PARD3B: variants seen among roughly 807,000 people sequenced by gnomAD.
PARD3B encodes partitioning defective 3 homolog B.
A neutral mutation model predicts 130.2 loss-of-function variants in PARD3B; 103 were observed. The observed-to-expected ratio is 0.79, with a 90% CI of 0.67 to 0.93. The LOEUF (loss-of-function observed/expected upper bound fraction) is 0.93. Among genes scored for constraint, PARD3B ranks in the 40% least tolerant of loss-of-function variants. The pLI, the probability that PARD3B is intolerant of heterozygous loss-of-function variation, is 0.00. For missense variants in PARD3B, 1,609 were observed against 1,499.2 expected, an observed-to-expected ratio of 1.07 and a Z score of -1.21; for synonymous variants, 583 against 553.2, an observed-to-expected ratio of 1.05 and a Z score of -0.76.
chr2:205,191,124 T>A (rs55657032), intron 14 of PARD3B, among the ~76,000 whole-genome samples: 28,899 of 149,422 alleles, frequency 0.19, 3,751 homozygotes, highest in African/African-American at 0.37. Context: ...GATTTAAACT[T>A]CTTGAGAAAT....
chr2:204,788,107 C>T (rs2042073302), intron 2 of PARD3B, among the ~76,000 whole-genome samples: 1 of 152,130 alleles, frequency 6.6e-6, no homozygotes. Flanking sequence ...CATGAGAATC[C>T]CATGTGTCTA....
intron 3 of PARD3B, among the ~76,000 whole-genome samples, chr2:204,995,121 T>C (rs1694045482): frequency 6.6e-6 from 1 of 152,110 alleles, no homozygotes; most frequent in Non-Finnish European, 1.5e-5. Flanking sequence ...GATCCTGTCA[T>C]TATGATGTTA....
At position 205,563,463 on chromosome 2, in the gene PARD3B, A is replaced by G. The variant is rs1480728148; in HGVS notation, c.3260+10060A>G. 6.6e-6 allele frequency among the ~76,000 whole-genome samples: 1 copy of G among 152,176 alleles called. No homozygotes were observed. The highest frequency in any genetic ancestry group is 1.5e-5 in the Non-Finnish European group (1 of 68,034). Reference sequence around the variant, plus strand: ...TGGTTTCCAAGGCCTTTTTAATTTCACTTGACCCCACATGACTAACATTGG... The same window carrying G: ...TGGTTTCCAAGGCCTTTTTAATTTCGCTTGACCCCACATGACTAACATTGG... On this transcript the variant is annotated intron_variant, in intron 22 of 22. Transcript: ENST00000406610. This position sits in a 1 kb window ranked among gnomAD's most constrained non-coding sequence, Gnocchi z 4.2.
intron 2 of PARD3B, among the ~76,000 whole-genome samples, chr2:204,845,930 T>C (rs2044446213): frequency 6.6e-6 from 1 of 152,074 alleles, no homozygotes; most frequent in South Asian, 2.1e-4. Context: ...AATCTGTATA[T>C]GATGAAACAC....
chr2:205,222,085 A>G (rs1387184656), intron 15 of PARD3B, among the ~76,000 whole-genome samples: 1 of 151,798 alleles, frequency 6.6e-6, no homozygotes, highest in Non-Finnish European at 1.5e-5. Flanking sequence ...AAACCTCTAC[A>G]TGCGCCTCTG....
intron 19 of PARD3B, among the ~76,000 whole-genome samples, chr2:205,428,891 T>A (rs2047234870): frequency 6.6e-6 from 1 of 152,088 alleles, no homozygotes. Flanking sequence ...GGGCCCAGAT[T>A]GTGGTCTCTA....
rs1171344985 is a variant in PARD3B, at chr2:205,029,120, G to T, written c.395-18461G>T. 2.0e-5 allele frequency among the ~76,000 whole-genome samples: 3 copies of T among 152,090 alleles called. No individual in the cohort carries two copies. In the East Asian group the frequency reaches 5.8e-4, roughly 29 times the overall value. On this transcript the variant is annotated intron_variant, in intron 3 of 22. Transcript: ENST00000406610. The stretch of plus-strand genomic sequence containing the variant: ...TATGATCTCTAGTGCCAGGTTGCTA[G>T]CCCTATCTCAGTTTCTGACTCATAT...
In PARD3B at chr2:205,057,610, T is replaced by TGTGTATACGTATATATATACATATAC. The variant is rs1410057888; in HGVS notation, c.504+9926_504+9927insACGTATATATATACATATACGTGTAT. Among the ~76,000 whole-genome samples, 4 of 145,666 alleles carry TGTGTATACGTATATATATACATATAC rather than the reference T, an allele frequency of 2.7e-5. 1 individual carries two copies. The highest frequency in any genetic ancestry group is 5.3e-5 in the African/African-American group (2 of 38,090). Reference sequence around the variant, plus strand: ...ATACGTATATATACATATATGTGTATGTGTATGTGTATACGTATATATATA... The same window carrying TGTGTATACGTATATATATACATATAC: ...ATACGTATATATACATATATGTGTATGTGTATACGTATATATATACATATACGTGTATGTGTATACGTATATATATA... On this transcript the variant is annotated intron_variant, in intron 4 of 22. Transcript: ENST00000406610.
chr2:205,303,639 G>C (rs2042089438), intron 18 of PARD3B, among the ~76,000 whole-genome samples: 1 of 152,128 alleles, frequency 6.6e-6, no homozygotes, highest in South Asian at 2.1e-4. Context: ...TGCATCTTCA[G>C]ACTTCTCCAG....
At chr2:205,447,302 A>AC (rs35296702) in intron 20 of PARD3B, among the ~76,000 whole-genome samples, 32,267 of 152,112 alleles carry the variant, frequency 0.21, 7,341 homozygotes, top group African/African-American at 0.58. Context: ...GCTTTTGCTC[A>AC]CCTGTCTCCT....
intron 2 of PARD3B, among the ~76,000 whole-genome samples, chr2:204,842,025 G>T (rs188720901): frequency 6.6e-6 from 1 of 152,210 alleles, no homozygotes; most frequent in Non-Finnish European, 1.5e-5. Flanking sequence ...CTGCCTCATA[G>T]AAAATTAAAT....
chr2:204,584,407 A>G (rs1046755800), intron 1 of PARD3B, among the ~76,000 whole-genome samples: 1 of 152,338 alleles, frequency 6.6e-6, no homozygotes, highest in South Asian at 2.1e-4. Context: ...AGTAACAGCT[A>G]AGAGTATAGC....
chr2:205,249,693 G>A (rs1424272142), intron 16 of PARD3B, among the ~76,000 whole-genome samples: 1 of 152,116 alleles, frequency 6.6e-6, no homozygotes. Context: ...ACCTTGGCAA[G>A]GAAGATAGCA....
rs538646929 is a variant in PARD3B, at chr2:204,891,756, C to T, written c.223-73396C>T. On this transcript the variant is annotated intron_variant, in intron 2 of 22. Transcript: ENST00000406610. ...GCTAATATTCAGCCCCAGATGTTCCCCCTGGACAATTTTTCTGAATTTGCC... is the reference window on the plus strand; with the variant it reads ...GCTAATATTCAGCCCCAGATGTTCCTCCTGGACAATTTTTCTGAATTTGCC... Among the ~76,000 whole-genome samples the T allele has an allele frequency of 4.6e-5, 7 of 152,212 alleles. No individual in the cohort carries two copies. The South Asian group carries it at 1.5e-3, about 32-fold the overall frequency.
rs150074412 is a variant in PARD3B, at chr2:205,243,472, A to C, written c.2141-2306A>C. On this transcript the variant is annotated intron_variant, in intron 15 of 22. Coordinates refer to ENST00000406610, the MANE Select transcript of PARD3B (RefSeq NM_001302769.2). ...TTCCAAACAAGGATTCCAATTCAGAAAGATTATTTCTCATCTGTAGAATGA... is the reference window on the plus strand; with the variant it reads ...TTCCAAACAAGGATTCCAATTCAGACAGATTATTTCTCATCTGTAGAATGA... Among the ~76,000 whole-genome samples the C allele has an allele frequency of 2.4e-4, 36 of 152,336 alleles. No homozygotes were observed. The East Asian group carries it at 3.1e-3, about 13-fold the overall frequency.
At chr2:204,752,307 A>G (rs891931338) in intron 2 of PARD3B, among the ~76,000 whole-genome samples, 1 of 152,144 alleles carries the variant, frequency 6.6e-6, no homozygotes, top group Non-Finnish European at 1.5e-5. Context: ...TCTTAAGGTT[A>G]TGATGATGAT....
intron 3 of PARD3B, among the ~76,000 whole-genome samples, chr2:204,986,854 A>G (rs1052584246): frequency 1.3e-5 from 2 of 152,194 alleles, no homozygotes; most frequent in African/African-American, 4.8e-5. Context: ...ACCTCAGCTG[A>G]TAAGATTCTC....
chr2:205,144,670 A>G (rs1287715273), intron 10 of PARD3B, among the ~76,000 whole-genome samples: 2 of 152,214 alleles, frequency 1.3e-5, no homozygotes, highest in African/African-American at 4.8e-5. Context: ...CATGTTGTAG[A>G]TATGGTAAGA....
At chr2:205,117,843 A>C (rs190879470) in intron 6 of PARD3B, among the ~76,000 whole-genome samples, 1 of 152,038 alleles carries the variant, frequency 6.6e-6, no homozygotes, top group African/African-American at 2.4e-5. Context: ...GAAAATATGT[A>C]TAAGTTCCAT....
Sources: allele counts gnomAD v4.1 joint callset (sites outside exome capture counted in the v4.1 genomes callset), GRCh38; gene constraint gnomAD v4.1.1; non-coding constraint Gnocchi (gnomAD v3.1); transcripts MANE v1.5; gene names NCBI Gene and HGNC (gene_info 2026-07-23, HGNC 2026-07-21).